The following GSE1 variants were observed in gnomAD, a reference collection of about 807,000 sequenced individuals.
GSE1 encodes the protein genetic suppressor element 1.
In GSE1, 32 loss-of-function variants were observed where a neutral mutation model predicts 112.6. That is an observed-to-expected ratio of 0.28 (90% confidence interval 0.21 to 0.38). GSE1 has a LOEUF of 0.38. GSE1 is among the 10% of genes least tolerant of loss of function. GSE1 has a pLI of 1.00. For missense variants in GSE1, 2,348 were observed against 1,699.2 expected (o/e 1.38, Z -6.71); for synonymous variants, 1,115 against 735.6 (o/e 1.52, Z -8.35).
intron 2 of GSE1, among the ~76,000 whole-genome samples, chr16:85,384,700 G>T (rs2047646430): frequency 6.6e-6 from 1 of 152,228 alleles, no homozygotes; most frequent in African/African-American, 2.4e-5. Flanking sequence ...ATGCCTCAGA[G>T]CCCTGTTCTT....
chr16:85,321,981 C>T (rs1346524638), intron 1 of GSE1, among the ~76,000 whole-genome samples: 2 of 152,170 alleles, frequency 1.3e-5, no homozygotes, highest in Non-Finnish European at 2.9e-5. Context: ...CCGCCAGGGC[C>T]GTGTCCACCC....
intron 1 of GSE1, among the ~76,000 whole-genome samples, chr16:85,309,917 C>G (rs1305052693): frequency 6.6e-6 from 1 of 152,208 alleles, no homozygotes; most frequent in South Asian, 2.1e-4. Flanking sequence ...CGCCCCAGCT[C>G]AGGAACAGAC....
chr16:85,489,950 T>C (rs1225390846), intron 2 of GSE1: 1 of 151,228 alleles, frequency 6.6e-6, no homozygotes, highest in South Asian at 2.1e-4. Context: ...CCACCGGGAG[T>C]GGGAATGAGG....
intron 2 of GSE1, among the ~76,000 whole-genome samples, chr16:85,446,962 C>T (rs2049532416): frequency 6.6e-6 from 1 of 152,140 alleles, no homozygotes; most frequent in Non-Finnish European, 1.5e-5. Flanking sequence ...TGCCCTTCAG[C>T]TTGGCTCGTC....
chr16:85,530,534 C>T (rs958714598), intron 2 of GSE1, among the ~76,000 whole-genome samples: 43 of 152,280 alleles, frequency 2.8e-4, no homozygotes, highest in Non-Finnish European at 5.9e-4. Context: ...GAGCTATTCC[C>T]TAGAGAAATC....
intron 2 of GSE1, among the ~76,000 whole-genome samples, chr16:85,470,107 C>T (rs774421425): frequency 2.0e-5 from 3 of 152,250 alleles, no homozygotes; most frequent in African/African-American, 4.8e-5. Flanking sequence ...GGTGCGGGAG[C>T]CCCCATCCAT....
At chr16:85,552,873 C>G (rs1276892046), upstream of GSE1, among the ~76,000 whole-genome samples, 1 of 152,240 alleles carries the variant, frequency 6.6e-6, no homozygotes, top group Non-Finnish European at 1.5e-5. Context: ...GCCTGTACAG[C>G]TATTGTGTAA....
rs1452143479 is a variant in GSE1, at chr16:85,178,074, G to A, written c.2283+6267G>A. On this transcript the variant is annotated intron_variant, in intron 1 of 2. Coordinates refer to the GSE1 transcript ENST00000637419. Reference sequence around the variant, plus strand: ...CCCTGACCTCAGGGTGCTGGTGGGCGATGAGAGGTTGAGGAACCAGTGAAG... The same window carrying A: ...CCCTGACCTCAGGGTGCTGGTGGGCAATGAGAGGTTGAGGAACCAGTGAAG... 1.3e-5 allele frequency among the ~76,000 whole-genome samples: 2 copies of A among 152,214 alleles called. 1 individual carries two copies. The highest frequency in any genetic ancestry group is 1.3e-4 in the Admixed American group (2 of 15,280).
At chr16:85,232,094 C>A (rs964871927) in intron 1 of GSE1, among the ~76,000 whole-genome samples, 3 of 152,230 alleles carry the variant, frequency 2.0e-5, no homozygotes, top group African/African-American at 4.8e-5. Flanking sequence ...CAGCAAAAGC[C>A]TTCCTGGCAG....
chr16:85,368,464 G>T (rs1037897383), intron 2 of GSE1, among the ~76,000 whole-genome samples: 3 of 152,146 alleles, frequency 2.0e-5, no homozygotes, highest in Non-Finnish European at 4.4e-5. Context: ...CAGCTCTTTG[G>T]GAGGCTGAGG....
At chr16:85,318,846 C>T (rs2046039348) in intron 1 of GSE1, among the ~76,000 whole-genome samples, 1 of 152,194 alleles carries the variant, frequency 6.6e-6, no homozygotes, top group Admixed American at 6.5e-5. Context: ...ACTGTCAGTT[C>T]CTGGGCCACC....
At chr16:85,501,646 G>A (rs190360291) in intron 2 of GSE1, among the ~76,000 whole-genome samples, 2 of 152,110 alleles carry the variant, frequency 1.3e-5, no homozygotes, top group African/African-American at 4.8e-5. Flanking sequence ...CTCCCACCTC[G>A]GCCTCCCAAA....
chr16:85,593,625 C>A (rs945187544), intron 1 of GSE1: 4 of 152,186 alleles, frequency 2.6e-5, no homozygotes, highest in Non-Finnish European at 5.9e-5. Context: ...CACTCCCCCC[C>A]TACCAGGGCT....
chr16:85,643,499 CCT>C (rs999393914), intron 2 of GSE1, among the ~76,000 whole-genome samples: 30 of 152,310 alleles, frequency 2.0e-4, no homozygotes, highest in African/African-American at 7.0e-4. Flanking sequence ...CTCACCCGCG[CCT>C]CTTTCTTCCT....
intron 2 of GSE1, among the ~76,000 whole-genome samples, chr16:85,387,385 A>G (rs1345978874): frequency 6.6e-6 from 1 of 151,724 alleles, no homozygotes; most frequent in Non-Finnish European, 1.5e-5. Flanking sequence ...CCCCCCACGC[A>G]TGCTGAAGCC....
In GSE1 at chr16:85,409,595, T is replaced by G. The variant is rs1277282686; in HGVS notation, c.2464+51952T>G. ...GGCCCCCCTGGATAATCCTCACTGT[T>G]GCACTCAGGGCCCCCCTGGATAATC... On this transcript the variant is annotated intron_variant, in intron 2 of 2. Coordinates refer to the GSE1 transcript ENST00000637419. Among the ~76,000 whole-genome samples, 24 of 10,232 alleles carry G rather than the reference T, an allele frequency of 2.3e-3. 10 individuals carry two copies. The highest frequency in any genetic ancestry group is 2.6e-3 in the African/African-American group (22 of 8,380). 6.7% of individuals were successfully genotyped at this position (10,232 alleles called of 152,430 possible).
At position 85,354,108 on chromosome 16, in the gene GSE1, G is replaced by A. The variant is rs142973711; in HGVS notation, c.2284-3355G>A. 3.5e-4 allele frequency among the ~76,000 whole-genome samples: 54 copies of A among 152,304 alleles called. 1 individual carries two copies. The highest frequency in any genetic ancestry group is 1.1e-3 in the African/African-American group (44 of 41,566). On this transcript the variant is annotated intron_variant, in intron 1 of 2. Coordinates refer to the GSE1 transcript ENST00000637419. ...TCCAGCTGCTCCAGGAAGCCCGTGC[G>A]GATTTCCTCAGACCTTGGGGACCCC... is the stretch of plus-strand genomic sequence containing the variant.
At chr16:85,333,993 C>G (rs1337312029) in intron 1 of GSE1, among the ~76,000 whole-genome samples, 1 of 152,212 alleles carries the variant, frequency 6.6e-6, no homozygotes, top group Non-Finnish European at 1.5e-5. Flanking sequence ...CAAAATGTCC[C>G]CGTCAGCCTC....
intron 2 of GSE1, among the ~76,000 whole-genome samples, chr16:85,388,004 AT>A (rs2047727500): frequency 2.3e-5 from 2 of 87,270 alleles, no homozygotes; most frequent in African/African-American, 7.8e-5. Context: ...GGATGGATGG[AT>A]GGATGGATGG....
Sources: allele counts gnomAD v4.1 joint callset (sites outside exome capture counted in the v4.1 genomes callset), GRCh38; gene constraint gnomAD v4.1.1; transcripts MANE v1.5; gene names NCBI Gene and HGNC (gene_info 2026-07-23, HGNC 2026-07-21).